HHLA1: variants seen among roughly 807,000 people sequenced by gnomAD.
The protein encoded by HHLA1 is HHLA1 neighbor of OC90.
In HHLA1, 72 loss-of-function variants were observed where a neutral mutation model predicts 69.9. The ratio of observed to expected loss-of-function variants is 1.03; its 90% CI spans 0.85 to 1.25. HHLA1 has a LOEUF of 1.25. HHLA1 is among the 50% of genes most tolerant of loss of function. The pLI is 0.00. For synonymous variants in HHLA1, 252 were observed against 233.2 expected, an observed-to-expected ratio of 1.08 and a Z score of -0.73; for missense variants, 685 against 642.2, an observed-to-expected ratio of 1.07 and a Z score of -0.72.
At chr8:132,080,111 T>C (rs1332730599) in intron 10 of HHLA1, 145 bp from the exon 11 acceptor site, 1 of 1,157,222 alleles carries the variant, frequency 8.6e-7, no homozygotes, top group East Asian at 2.6e-5. Flanking sequence ...CTATGTTTCC[T>C]GAACAGATTC....
Position 132,101,361 on chromosome 8 carries a change from A to G in HHLA1, c.140-1227T>C, listed in dbSNP as rs1429404931. On this transcript the variant is annotated intron_variant, in intron 3 of 16. Coordinates refer to ENST00000414222, the MANE Select transcript of HHLA1 (RefSeq NM_001145095.3). ...ACATCCTTAGAAATCATCTTGTCCA[A>G]CACTTTGAAGAATGGATAAACTGAA... 8 of 1,474,682 alleles carry G rather than the reference A, an allele frequency of 5.4e-6. No homozygotes were observed. In the Admixed American group the frequency reaches 1.7e-4, roughly 31 times the overall value. 91.3% of individuals were successfully genotyped at this position (1,474,682 alleles called of 1,614,324 possible).
intron 15 of HHLA1, among the ~76,000 whole-genome samples, chr8:132,066,305 A>G (rs1319171292): frequency 6.6e-6 from 1 of 152,238 alleles, no homozygotes; most frequent in Non-Finnish European, 1.5e-5. Context: ...CGCAGGTTAT[A>G]TAAGGATAAG....
At chr8:132,080,004 G>T in intron 10 of HHLA1, 38 bp from the exon 11 acceptor site, 1 of 1,551,830 alleles carries the variant, frequency 6.4e-7, no homozygotes, top group South Asian at 1.2e-5. Flanking sequence ...TAACATGCTT[G>T]ACACTTTGGG....
At chr8:132,105,673 G>A (rs1824192532) in intron 1 of HHLA1, among the ~76,000 whole-genome samples, 1 of 152,160 alleles carries the variant, frequency 6.6e-6, no homozygotes, top group South Asian at 2.1e-4. Context: ...GCTTTGGCAG[G>A]AAGCAACACA....
chr8:132,096,776 T>G (rs1241936237), intron 5 of HHLA1, among the ~76,000 whole-genome samples: 1 of 152,164 alleles, frequency 6.6e-6, no homozygotes, highest in African/African-American at 2.4e-5. Flanking sequence ...AAGGTGGGTA[T>G]GCCCAGGGTT....
chr8:132,072,368 A>G (rs968758099), intron 14 of HHLA1, among the ~76,000 whole-genome samples: 4 of 152,168 alleles, frequency 2.6e-5, no homozygotes, highest in Admixed American at 1.3e-4. Context: ...GACAATTTAT[A>G]TAAAGTATAT....
intron 8 of HHLA1, 29 bp downstream of exon 8, chr8:132,089,487 T>C (rs1054384842): frequency 6.5e-6 from 8 of 1,221,544 alleles, no homozygotes; most frequent in Non-Finnish European, 9.5e-6. Context: ...AACCTCAAAG[T>C]TGCCAAAGCG....
intron 3 of HHLA1, among the ~76,000 whole-genome samples, chr8:132,103,490 A>C (rs968722881): frequency 4.6e-5 from 7 of 152,136 alleles, no homozygotes; most frequent in African/African-American, 1.4e-4. Flanking sequence ...GTGGTGGTAC[A>C]TGCCTGTGGT....
chr8:132,103,166 A>G (rs1273210949), intron 3 of HHLA1, among the ~76,000 whole-genome samples: 5 of 152,198 alleles, frequency 3.3e-5, no homozygotes, highest in Non-Finnish European at 7.4e-5. Context: ...ACTAAGAAAA[A>G]TATTTATGGA....
chr8:132,102,699 C>A (rs1267478563), intron 3 of HHLA1, among the ~76,000 whole-genome samples: 3 of 151,328 alleles, frequency 2.0e-5, no homozygotes, highest in Non-Finnish European at 4.4e-5. Context: ...GGTCTCCAGG[C>A]AGCAGGGATG....
Position 132,089,552 on chromosome 8 carries a change from G to T in HHLA1, c.496C>A (p.Leu166Ile). The change falls in exon 8 of 17, where the codon CTC becomes ATC. Residue 166 changes from leucine (L) to isoleucine (I), a missense_variant. Physicochemically the swap from Leu to Ile is conservative, Grantham distance 5 (BLOSUM62 2). Transcript: ENST00000414222. ...GAGGTTGACTTAAAAATCTCTGTGA[G>T]GTAGCTGGTAGAATTGCCGATGATA... ...VDIIGNSTSYLTEIFKSTSIL... is the reference protein window; with the variant it reads ...VDIIGNSTSYITEIFKSTSIL... 6.5e-7 allele frequency: 1 copy of T among 1,532,626 alleles called. No individual in the cohort carries two copies. The highest frequency in any genetic ancestry group is 8.9e-7 in the Non-Finnish European group (1 of 1,129,576). The allele number at this position is 1,532,626 out of a possible 1,614,324, so 94.9% of individuals were successfully genotyped here.
At chr8:132,103,636 A>AATAC (rs748026688) in intron 3 of HHLA1, among the ~76,000 whole-genome samples, 12 of 151,720 alleles carry the variant, frequency 7.9e-5, no homozygotes, top group Admixed American at 2.0e-4. Context: ...TAAATAAATA[A>AATAC]ATAAATAAGT....
At chr8:132,078,146 A>G (rs1256932715) in intron 11 of HHLA1, among the ~76,000 whole-genome samples, 175 bp from the exon 12 acceptor site, 1 of 150,994 alleles carries the variant, frequency 6.6e-6, no homozygotes, top group African/African-American at 2.4e-5. Flanking sequence ...GACCAAAGTA[A>G]GCATTGTTTT....
chr8:132,074,920 G>C (rs1823609312), intron 14 of HHLA1, among the ~76,000 whole-genome samples: 1 of 152,006 alleles, frequency 6.6e-6, no homozygotes, highest in Admixed American at 6.6e-5. Context: ...TAACAAGAGA[G>C]ACAGATAGAT....
At chr8:132,087,931 T>C in intron 8 of HHLA1, 30 bp from the exon 9 acceptor site, 1 of 1,502,258 alleles carries the variant, frequency 6.7e-7, no homozygotes. Flanking sequence ...ACAATAAGAC[T>C]TAGCCATGGG....
chr8:132,077,965 C>T lies in HHLA1; in HGVS notation c.932G>A (p.Arg311Lys), dbSNP rs1823676289. 1 of 1,551,486 alleles carries T rather than the reference C, an allele frequency of 6.4e-7. No homozygotes were observed. Among genetic ancestry groups the T allele is most frequent in the Admixed American group, 2.0e-5 (1 of 50,976 alleles). ...ASHTLPALAT[R>K]RVARTQWLTA... is the part of the protein sequence containing the mutation. Reference sequence around the variant, plus strand: ...CAACCACTGAGTTCTGGCCACCCTCCTGGTAGCTGCACATTCAAAGTGACA... The same window carrying T: ...CAACCACTGAGTTCTGGCCACCCTCTTGGTAGCTGCACATTCAAAGTGACA... Residue 311 changes from arginine to lysine, a missense_variant, in exon 12 of 17, where the codon AGG becomes AAG. Transcript: ENST00000414222.
intron 10 of HHLA1, among the ~76,000 whole-genome samples, chr8:132,081,649 C>T (rs890812750): frequency 1.3e-5 from 2 of 152,002 alleles, no homozygotes; most frequent in Admixed American, 1.3e-4. Flanking sequence ...CTTCTCAGAC[C>T]CTGTAGGAAA....
chr8:132,098,767 C>T (rs1362270779), intron 5 of HHLA1, 115 bp downstream of exon 5: 14 of 654,808 alleles, frequency 2.1e-5, no homozygotes, highest in Non-Finnish European at 2.6e-5. Flanking sequence ...CTCTGAACAC[C>T]GAGAAACTGA....
At position 132,095,785 on chromosome 8, in the gene HHLA1, A is replaced by G. The variant is rs1375865032; in HGVS notation, c.282T>C (p.Asp94=). The G allele has an allele frequency of 1.2e-5, 19 of 1,547,934 alleles. No homozygotes were observed. Among genetic ancestry groups the G allele is most frequent in the Non-Finnish European group, 1.7e-5 (19 of 1,144,430 alleles). The part of the protein sequence containing the change: ...VNGMLSRALK[D]SKKFFSLLSV... ...TCAGCAAGGAGAAGAACTTCTTGCTATCTGCCAAAACATACCAGATAAAGA... is the reference window on the plus strand; with the variant it reads ...TCAGCAAGGAGAAGAACTTCTTGCTGTCTGCCAAAACATACCAGATAAAGA... Residue 94 remains aspartate (D), a splice_region_variant and synonymous_variant, in exon 6 of 17, where the codon GAT becomes GAC. Coordinates refer to ENST00000414222, the MANE Select transcript of HHLA1 (RefSeq NM_001145095.3).
Sources: allele counts gnomAD v4.1 joint callset (sites outside exome capture counted in the v4.1 genomes callset), GRCh38; gene constraint gnomAD v4.1.1; transcripts MANE v1.5; gene names NCBI Gene and HGNC (gene_info 2026-07-23, HGNC 2026-07-21).